GRIP1: variants seen among roughly 807,000 people sequenced by gnomAD.
GRIP1 encodes the protein glutamate receptor-interacting protein 1.
In GRIP1, 45 loss-of-function variants were observed where a neutral mutation model predicts 129.9. The observed-to-expected ratio is 0.35, with a 90% CI of 0.27 to 0.44. The LOEUF (loss-of-function observed/expected upper bound fraction) is 0.44. Ranked by LOEUF, GRIP1 falls within the 20% of genes least tolerant of loss-of-function variation. The probability of loss-of-function intolerance (pLI) is 1.00; values close to 1 mark genes in which losing one functional copy is unlikely to be tolerated. For synonymous variants in GRIP1, 530 were observed against 520.8 expected, an observed-to-expected ratio of 1.02 and a Z score of -0.24; for missense variants, 1,196 against 1,396.8, an observed-to-expected ratio of 0.86 and a Z score of 2.29.
chr12:66,938,123 A>G (rs2041517296), intron 1 of GRIP1, among the ~76,000 whole-genome samples: 1 of 152,226 alleles, frequency 6.6e-6, no homozygotes, highest in Admixed American at 6.5e-5. Context: ...CATACCTGTA[A>G]TCCCAGCACT....
intron 1 of GRIP1, among the ~76,000 whole-genome samples, chr12:66,825,967 C>G (rs996953305): frequency 1.1e-4 from 16 of 152,052 alleles, no homozygotes; most frequent in African/African-American, 1.9e-4. Context: ...GATATATACC[C>G]AAAGGATTAT....
chr12:66,891,862 C>T (rs887661077), intron 1 of GRIP1: 3 of 152,176 alleles, frequency 2.0e-5, no homozygotes, highest in South Asian at 4.1e-4. Context: ...CACCATGTTT[C>T]CTGAGACAGA....
At chr12:66,680,698 A>C (rs1473734219), upstream of GRIP1, among the ~76,000 whole-genome samples, 1 of 152,104 alleles carries the variant, frequency 6.6e-6, no homozygotes. Context: ...CTAAAGTGAG[A>C]TAAATACTTA....
At chr12:66,643,604 GCA>G (rs1372633051) in intron 1 of GRIP1, among the ~76,000 whole-genome samples, 1 of 152,042 alleles carries the variant, frequency 6.6e-6, no homozygotes, top group African/African-American at 2.4e-5. Flanking sequence ...TTATTTTGAA[GCA>G]CAGTTTTGCT....
At chr12:66,852,813 G>T (rs930949150) in intron 1 of GRIP1, among the ~76,000 whole-genome samples, 5 of 151,842 alleles carry the variant, frequency 3.3e-5, no homozygotes, top group African/African-American at 1.2e-4. Flanking sequence ...AATGCCAAAA[G>T]ATATAAAATG....
chr12:66,977,201 T>C (rs1170395896), intron 1 of GRIP1, among the ~76,000 whole-genome samples: 3 of 125,866 alleles, frequency 2.4e-5, no homozygotes, highest in African/African-American at 1.2e-4. Context: ...TAGGTCAAAC[T>C]TTTTTTTTTT....
At chr12:66,602,174 T>C (rs1444249007) in intron 1 of GRIP1, among the ~76,000 whole-genome samples, 1 of 152,218 alleles carries the variant, frequency 6.6e-6, no homozygotes, top group Non-Finnish European at 1.5e-5. Flanking sequence ...AACTGGGTCC[T>C]GTGAACATTT....
chr12:66,442,297 C>A (rs2058491952), intron 13 of GRIP1, among the ~76,000 whole-genome samples: 1 of 152,036 alleles, frequency 6.6e-6, no homozygotes, highest in Admixed American at 6.6e-5. Flanking sequence ...TGTTGTTTCT[C>A]CAGCAAGCTA....
At chr12:66,622,089 T>C (rs2065292545) in intron 1 of GRIP1, among the ~76,000 whole-genome samples, 1 of 152,228 alleles carries the variant, frequency 6.6e-6, no homozygotes, top group African/African-American at 2.4e-5. Context: ...CAAAAGGTTT[T>C]AATTTGGAGA....
At chr12:66,635,343 G>A (rs1344257972) in intron 1 of GRIP1, among the ~76,000 whole-genome samples, 2 of 151,834 alleles carry the variant, frequency 1.3e-5, no homozygotes, top group Non-Finnish European at 2.9e-5. Context: ...AGGATCACTT[G>A]AGCCCAGGAG....
At chr12:66,866,201 G>A (rs1485690386) in intron 1 of GRIP1, among the ~76,000 whole-genome samples, 1 of 152,178 alleles carries the variant, frequency 6.6e-6, no homozygotes, top group Non-Finnish European at 1.5e-5. Flanking sequence ...GGGCACAGTG[G>A]CTCATGCCTA....
intron 7 of GRIP1, among the ~76,000 whole-genome samples, chr12:66,495,669 T>A (rs2060219145): frequency 6.6e-6 from 1 of 151,810 alleles, no homozygotes. Context: ...CCCTCCCAAG[T>A]GTGAGAATTC....
At chr12:66,662,348 T>C (rs2033560449) in intron 1 of GRIP1, among the ~76,000 whole-genome samples, 1 of 152,160 alleles carries the variant, frequency 6.6e-6, no homozygotes, top group Non-Finnish European at 1.5e-5. Flanking sequence ...TCTACACTCC[T>C]GGCCCTCAAA....
At chr12:66,519,603 T>A (rs1381549765) in intron 5 of GRIP1, among the ~76,000 whole-genome samples, 1 of 152,234 alleles carries the variant, frequency 6.6e-6, no homozygotes, top group African/African-American at 2.4e-5. Context: ...ATTTTACTGT[T>A]ATTTGTAATG....
At chr12:66,694,522 G>T (rs944145031) in intron 1 of GRIP1, among the ~76,000 whole-genome samples, 2 of 152,076 alleles carry the variant, frequency 1.3e-5, no homozygotes, top group Non-Finnish European at 1.5e-5. Flanking sequence ...TGCTCAGTAC[G>T]TATTATTATA....
At chr12:66,677,712 TTC>T (rs2034403271) in intron 1 of GRIP1, among the ~76,000 whole-genome samples, 2 of 152,210 alleles carry the variant, frequency 1.3e-5, no homozygotes, top group East Asian at 3.8e-4. Context: ...ACAGTATTTA[TTC>T]TCTTTCCTGT....
chr12:66,831,182 CA>C lies in GRIP1; in HGVS notation c.59-234256del, dbSNP rs1453247220. Among the ~76,000 whole-genome samples the C allele has an allele frequency of 2.0e-5, 3 of 151,874 alleles. No individual in the cohort carries two copies. In the South Asian group the frequency reaches 6.2e-4, roughly 32 times the overall value. On this transcript the variant is annotated intron_variant, in intron 1 of 1. Transcript: ENST00000643019. ...TCAGGAACCATCTGAAACTATTGCTCAAAAAAAGTAATATCTGAATTTCATT... is the reference window on the plus strand; with the variant it reads ...TCAGGAACCATCTGAAACTATTGCTCAAAAAAGTAATATCTGAATTTCATT...
chr12:66,425,810 C>T (rs1004986595), intron 14 of GRIP1, among the ~76,000 whole-genome samples: 20 of 133,772 alleles, frequency 1.5e-4, no homozygotes, highest in South Asian at 2.8e-4. Context: ...CATCACACAC[C>T]GGGGACAGTT....
intron 1 of GRIP1, among the ~76,000 whole-genome samples, chr12:66,776,454 T>C (rs545736953): frequency 1.2e-4 from 18 of 152,166 alleles, no homozygotes; most frequent in Non-Finnish European, 2.5e-4. Context: ...TGAATAACAA[T>C]AACTTTAATT....
Sources: gnomAD v4.1 joint callset for allele counts (sites outside exome capture counted in the v4.1 genomes callset) on GRCh38, gnomAD v4.1.1 for gene constraint, MANE v1.5 for transcripts, NCBI Gene and HGNC (gene_info 2026-07-23, HGNC 2026-07-21) for gene names.